The following RGS7 variants were observed in gnomAD, a reference collection of about 807,000 sequenced individuals.
RGS7 encodes regulator of G protein signaling 7, also known as regulator of G-protein signaling 7.
In RGS7, 27 loss-of-function variants were observed where a neutral mutation model predicts 81.1. The ratio of observed to expected loss-of-function variants is 0.33; its 90% CI spans 0.25 to 0.46. RGS7 has a LOEUF of 0.46. Among genes scored for constraint, RGS7 ranks in the 20% least tolerant of loss-of-function variants. RGS7 has a pLI of 1.00. For missense variants in RGS7, 396 were observed against 607.4 expected (o/e 0.65, Z 3.66); for synonymous variants, 208 against 207.7 (o/e 1.00, Z -0.01).
Position 241,207,336 on chromosome 1 carries a change from C to A in RGS7, c.79-108574G>T, listed in dbSNP as rs749865368. Among the ~76,000 whole-genome samples the A allele has an allele frequency of 1.9e-3, 194 of 103,990 alleles. 1 individual carries two copies. Among genetic ancestry groups the A allele is most frequent in the Middle Eastern group, 5.8e-3 (1 of 172 alleles). The allele number at this position is 103,990 out of a possible 152,430, so 68.2% of individuals were successfully genotyped here. On this transcript the variant is annotated intron_variant, in intron 2 of 18. Coordinates refer to ENST00000440928, the MANE Select transcript of RGS7 (RefSeq NM_001364886.1). ...ATCACTGTGCCAGGTATGGAGTATG[C>A]ACTTTAAAATGCATATATATATATG... is the stretch of plus-strand genomic sequence containing the variant.
At chr1:240,965,878 C>T (rs1682210528) in intron 4 of RGS7, among the ~76,000 whole-genome samples, 1 of 152,156 alleles carries the variant, frequency 6.6e-6, no homozygotes, top group Non-Finnish European at 1.5e-5. Flanking sequence ...AAATCGGGCA[C>T]ATTCATCAAA....
intron 10 of RGS7, among the ~76,000 whole-genome samples, chr1:240,823,918 G>C (rs1026055194): frequency 2.1e-5 from 3 of 145,628 alleles, no homozygotes; most frequent in African/African-American, 7.6e-5. Flanking sequence ...AAGAACATCA[G>C]ACCGACAGTT....
At chr1:240,811,332 G>A (rs1229824353) in intron 14 of RGS7, among the ~76,000 whole-genome samples, 2 of 152,196 alleles carry the variant, frequency 1.3e-5, no homozygotes, top group African/African-American at 4.8e-5. Flanking sequence ...ATGTTAGCAA[G>A]TTTTAAAAAT....
intron 4 of RGS7, among the ~76,000 whole-genome samples, chr1:240,949,576 G>A (rs918715396): frequency 4.6e-5 from 7 of 152,154 alleles, no homozygotes; most frequent in Non-Finnish European, 1.0e-4. Flanking sequence ...GGCCGGGTGT[G>A]GTGGCTCACG....
At chr1:241,301,269 G>C (rs1030439671) in intron 2 of RGS7, among the ~76,000 whole-genome samples, 5 of 152,202 alleles carry the variant, frequency 3.3e-5, no homozygotes, top group African/African-American at 4.8e-5. Flanking sequence ...GAAATGTAAA[G>C]TAATGCAATG....
intron 9 of RGS7, among the ~76,000 whole-genome samples, chr1:240,863,398 C>T (rs768847648): frequency 4.6e-5 from 7 of 152,092 alleles, no homozygotes; most frequent in South Asian, 4.2e-4. Context: ...TTGCTTGAAC[C>T]GGGGAGGTGG....
intron 2 of RGS7, among the ~76,000 whole-genome samples, chr1:241,156,220 G>C (rs142308532): frequency 1.3e-3 from 196 of 152,134 alleles, no homozygotes; most frequent in African/African-American, 4.3e-3. Context: ...GGCTGGGAGT[G>C]GTGGCTCACA....
chr1:240,885,670 CT>C (rs912142835), intron 6 of RGS7, among the ~76,000 whole-genome samples: 8 of 152,154 alleles, frequency 5.3e-5, no homozygotes, highest in African/African-American at 1.9e-4. Context: ...GCCACATGTT[CT>C]CACTTATAAG....
chr1:240,922,058 A>G (rs1002918707), intron 6 of RGS7, among the ~76,000 whole-genome samples: 1 of 152,024 alleles, frequency 6.6e-6, no homozygotes, highest in African/African-American at 2.4e-5. Context: ...AAAATAAATC[A>G]AGGAAAAAGA....
At chr1:241,155,878 A>T (rs993072344) in intron 2 of RGS7, among the ~76,000 whole-genome samples, 4 of 152,164 alleles carry the variant, frequency 2.6e-5, no homozygotes, top group Admixed American at 2.6e-4. Context: ...AGAATCAGAA[A>T]TCCTTCTTTT....
chr1:240,963,426 A>T (rs760786662), intron 4 of RGS7, among the ~76,000 whole-genome samples: 3 of 152,260 alleles, frequency 2.0e-5, no homozygotes, highest in Middle Eastern at 3.4e-3. Context: ...GGTCTCCAAA[A>T]CCCTGAAAGT....
At chr1:241,025,516 A>G (rs576392181) in intron 3 of RGS7, among the ~76,000 whole-genome samples, 2 of 152,198 alleles carry the variant, frequency 1.3e-5, no homozygotes, top group Non-Finnish European at 2.9e-5. Flanking sequence ...CCACCTCCAG[A>G]TTCAAGCTCT....
chr1:241,094,782 T>A (rs993265475), intron 3 of RGS7, among the ~76,000 whole-genome samples: 3 of 152,214 alleles, frequency 2.0e-5, no homozygotes, highest in South Asian at 2.1e-4. Flanking sequence ...CAGGGGGAAT[T>A]GGATTATAGC....
At chr1:241,053,800 A>G (rs931596146) in intron 3 of RGS7, among the ~76,000 whole-genome samples, 1 of 152,194 alleles carries the variant, frequency 6.6e-6, no homozygotes, top group Admixed American at 6.5e-5. Context: ...ATGGTAGTGA[A>G]TAAGTCTCAC....
chr1:240,989,689 G>A (rs537598149), intron 3 of RGS7, among the ~76,000 whole-genome samples: 22 of 152,106 alleles, frequency 1.4e-4, no homozygotes, highest in Admixed American at 5.2e-4. Flanking sequence ...TAGAGGCATC[G>A]ACATTTTTTT....
chr1:241,093,957 T>C (rs1257034999), intron 3 of RGS7, among the ~76,000 whole-genome samples: 1 of 152,088 alleles, frequency 6.6e-6, no homozygotes, highest in Non-Finnish European at 1.5e-5. Flanking sequence ...GAAGTCGAAG[T>C]CGAAAACATA....
At chr1:240,951,218 C>T (rs76741244) in intron 4 of RGS7, among the ~76,000 whole-genome samples, 3,025 of 152,202 alleles carry the variant, frequency 0.02, 55 homozygotes, top group South Asian at 0.039. Context: ...CCCTACCCAG[C>T]CATGTTCAGC....
intron 2 of RGS7, among the ~76,000 whole-genome samples, chr1:241,118,003 T>C (rs576050912): frequency 2.6e-5 from 4 of 152,314 alleles, no homozygotes; most frequent in African/African-American, 7.2e-5. Context: ...ACCCAGCACA[T>C]ACATGTGTAT....
chr1:240,802,054 C>T lies in RGS7; in HGVS notation c.1360-546G>A, dbSNP rs541082008. Among the ~76,000 whole-genome samples, 5 of 152,222 alleles carry T rather than the reference C, an allele frequency of 3.3e-5. No individual in the cohort carries two copies. In the East Asian group the frequency reaches 5.8e-4, roughly 18 times the overall value. On this transcript the variant is annotated intron_variant, in intron 16 of 18. Coordinates refer to ENST00000440928, the MANE Select transcript of RGS7 (RefSeq NM_001364886.1). ...ATTAACTAATATTTAAACAGTCCCA[C>T]GTGGCTAGTGACTGCTGTACTGGAT...
Sources: allele counts gnomAD v4.1 joint callset (sites outside exome capture counted in the v4.1 genomes callset), GRCh38; gene constraint gnomAD v4.1.1; transcripts MANE v1.5; gene names NCBI Gene and HGNC (gene_info 2026-07-23, HGNC 2026-07-21).